PIK3CA: variants seen among roughly 807,000 people sequenced by gnomAD.
PIK3CA encodes the protein phosphatidylinositol 4,5-bisphosphate 3-kinase catalytic subunit alpha isoform.
PIK3CA carries 27 observed loss-of-function variants against 138.2 expected under a neutral mutation model. The ratio of observed to expected loss-of-function variants is 0.20; its 90% confidence interval spans 0.14 to 0.27. The LOEUF is 0.27. Among genes scored for constraint, PIK3CA ranks in the 10% least tolerant of loss-of-function variants. The pLI is 1.00. For missense variants in PIK3CA, 544 were observed against 1,277.4 expected (o/e 0.43, Z 8.75); for synonymous variants, 358 against 413.2 (o/e 0.87, Z 1.62).
At position 179,199,185 on chromosome 3, in the gene PIK3CA, A is replaced by G; in HGVS notation, c.352+8A>G. ...TCCTCAATCGAGAAATTGGTATGAT[A>G]CAATATCCTATTCTAAAATGCAAAT... On this transcript the variant is annotated splice_region_variant and intron_variant, in intron 2 of 20. Transcript: ENST00000263967. The G allele has an allele frequency of 6.7e-7, 1 of 1,500,542 alleles. No homozygotes were observed. The highest frequency in any genetic ancestry group is 2.3e-5 in the East Asian group (1 of 44,314). 93.0% of individuals were successfully genotyped at this position (1,500,542 alleles called of 1,614,324 possible). A position where few individuals can be genotyped will look rare whatever the true frequency, so the allele number is the denominator to read the frequency against.
At position 179,210,793 on chromosome 3, in the gene PIK3CA, C is replaced by T. The variant is rs3729685; in HGVS notation, c.1539+228C>T. Reference sequence around the variant, plus strand: ...TCATTTAACAAATATTTATTGAATGCCGACTATGTGTAAAGCACTGGGAAA... The same window carrying T: ...TCATTTAACAAATATTTATTGAATGTCGACTATGTGTAAAGCACTGGGAAA... On this transcript the variant is annotated intron_variant, in intron 9 of 20. Transcript: ENST00000263967. Among the ~76,000 whole-genome samples, 239 of 152,294 alleles carry T rather than the reference C, an allele frequency of 1.6e-3. 5 individuals carry two copies. In the East Asian group the frequency reaches 0.037, roughly 23 times the overall value.
Position 179,219,851 on chromosome 3 carries a change from A to C in PIK3CA, c.1912-98A>C. 6.7e-7 allele frequency: 1 copy of C among 1,498,920 alleles called. No homozygotes were observed. Among genetic ancestry groups the C allele is most frequent in the Non-Finnish European group, 9.1e-7 (1 of 1,104,778 alleles). 92.9% of individuals were successfully genotyped at this position (1,498,920 alleles called of 1,614,324 possible). ...TAACTAGTTTTATGCTTAAAAAAAA[A>C]AATTATTACCAGTAATATCCACTTT... On this transcript the variant is annotated intron_variant, in intron 12 of 20. Transcript: ENST00000263967. The surrounding 1 kb of genome is among the most constrained non-coding windows in gnomAD (Gnocchi z 4.2).
At chr3:179,212,746 A>T (rs554153450) in intron 9 of PIK3CA, among the ~76,000 whole-genome samples, 2 of 152,200 alleles carry the variant, frequency 1.3e-5, no homozygotes, top group African/African-American at 4.8e-5. Context: ...CGGCCAAAAG[A>T]CAAAATAAAT....
chr3:179,166,774 T>A (rs541732238), intron 1 of PIK3CA, among the ~76,000 whole-genome samples: 1 of 152,298 alleles, frequency 6.6e-6, no homozygotes, highest in South Asian at 2.1e-4. Context: ...AGTTTAGATG[T>A]GTTTAGCCTT....
intron 1 of PIK3CA, among the ~76,000 whole-genome samples, chr3:179,174,681 T>A (rs1242061865): frequency 6.6e-6 from 1 of 152,244 alleles, no homozygotes; most frequent in East Asian, 1.9e-4. Flanking sequence ...TCTCTTATAA[T>A]TTTAATGCTC....
At chr3:179,225,095 T>C (rs1725052884) in intron 16 of PIK3CA, among the ~76,000 whole-genome samples, 1 of 152,022 alleles carries the variant, frequency 6.6e-6, no homozygotes, top group Non-Finnish European at 1.5e-5. Context: ...CCCGTGGACC[T>C]GTGTAGAGAA....
chr3:179,225,984 A>G lies in PIK3CA; in HGVS notation c.2439A>G (p.Thr813=), dbSNP rs201600506. Residue 813 remains threonine (T), a synonymous_variant, in exon 17 of 21, where the codon ACA becomes ACG. Transcript: ENST00000263967. ...NGDDLRQDML[T]LQIIRIMENI... ...CAGATTTACGGCAAGATATGCTAAC[A>G]CTTCAAATTATTCGTATTATGGAAA... The G allele has an allele frequency of 1.5e-5, 24 of 1,594,212 alleles. No individual in the cohort carries two copies. The African/African-American group carries it at 3.1e-4, about 21-fold the overall frequency.
At chr3:179,185,029 A>T (rs1406488263) in intron 1 of PIK3CA, among the ~76,000 whole-genome samples, 1 of 152,178 alleles carries the variant, frequency 6.6e-6, no homozygotes, top group Non-Finnish European at 1.5e-5. Context: ...TTGATTTTTG[A>T]TGAAGAAAGA....
Position 179,198,908 on chromosome 3 carries a change from A to G in PIK3CA, c.83A>G (p.Asn28Ser), listed in dbSNP as rs1724334653. 1 of 1,609,072 alleles carries G rather than the reference A, an allele frequency of 6.2e-7. No individual in the cohort carries two copies. The highest frequency in any genetic ancestry group is 8.5e-7 in the Non-Finnish European group (1 of 1,177,442). Residue 28 changes from asparagine to serine, a missense_variant, in exon 2 of 21, where the codon AAT becomes AGT. By Grantham distance (46) the Asn-to-Ser change is conservative. Coordinates refer to ENST00000263967, the MANE Select transcript of PIK3CA (RefSeq NM_006218.4). The stretch of plus-strand genomic sequence containing the variant: ...ATCCTAGTAGAATGTTTACTACCAA[A>G]TGGAATGATAGTGACTTTAGAATGC... Reference protein sequence around the residue: ...PRILVECLLPNGMIVTLECLR... With the variant: ...PRILVECLLPSGMIVTLECLR...
At chr3:179,213,393 TA>T (rs1724765277) in intron 9 of PIK3CA, among the ~76,000 whole-genome samples, 1 of 152,250 alleles carries the variant, frequency 6.6e-6, no homozygotes, top group African/African-American at 2.4e-5. Flanking sequence ...GTACATACTT[TA>T]AAAATATTGC....
chr3:179,177,777 G>A (rs1360779477), intron 1 of PIK3CA, among the ~76,000 whole-genome samples: 1 of 152,080 alleles, frequency 6.6e-6, no homozygotes, highest in Non-Finnish European at 1.5e-5. Context: ...TTGTTGGACA[G>A]GACACAGCAC....
chr3:179,232,705 C>T (rs1725240111), intron 20 of PIK3CA, among the ~76,000 whole-genome samples: 1 of 151,900 alleles, frequency 6.6e-6, no homozygotes, highest in Non-Finnish European at 1.5e-5. Flanking sequence ...TGGTTAAGTA[C>T]ATTCCTAGGT....
chr3:179,182,611 TA>T (rs1282823771), intron 1 of PIK3CA, among the ~76,000 whole-genome samples: 1 of 152,012 alleles, frequency 6.6e-6, no homozygotes, highest in Non-Finnish European at 1.5e-5. Flanking sequence ...GTTGGGGCTG[TA>T]GTGAGCCGTG....
At chr3:179,188,104 C>G (rs544396444) in intron 1 of PIK3CA, among the ~76,000 whole-genome samples, 5 of 152,284 alleles carry the variant, frequency 3.3e-5, no homozygotes, top group Admixed American at 2.6e-4. Flanking sequence ...TCAACTAAAA[C>G]GAAACTACTG....
rs1024285284 is a variant in PIK3CA at position 179,230,677 on chromosome 3, C to T, written c.2936+301C>T. On this transcript the variant is annotated intron_variant, in intron 20 of 20. Transcript: ENST00000263967. This position sits in a 1 kb window ranked among gnomAD's most constrained non-coding sequence, Gnocchi z 5.4. ...GCTGAGATGGGAGGATCACTTGAGC[C>T]CAGGAGGTTGAGGTTGCAGTGAGCC... Among the ~76,000 whole-genome samples the T allele has an allele frequency of 6.6e-6, 1 of 152,016 alleles. No homozygotes were observed. Among genetic ancestry groups the T allele is most frequent in the Non-Finnish European group, 1.5e-5 (1 of 68,008 alleles).
intron 1 of PIK3CA, among the ~76,000 whole-genome samples, chr3:179,198,337 A>G (rs955998244): frequency 5.9e-5 from 9 of 152,208 alleles, no homozygotes; most frequent in African/African-American, 2.2e-4. Context: ...TGGACCCATG[A>G]TCTGAAAGAT....
intron 1 of PIK3CA, among the ~76,000 whole-genome samples, chr3:179,173,529 A>C (rs73051974): frequency 0.24 from 36,804 of 150,616 alleles, 5,537 homozygotes; most frequent in African/African-American, 0.42. Context: ...CAGTGAGCCT[A>C]TATCGTGCCA....
At chr3:179,202,303 C>T (rs1342984666) in intron 4 of PIK3CA, among the ~76,000 whole-genome samples, 1 of 152,168 alleles carries the variant, frequency 6.6e-6, no homozygotes, top group Non-Finnish European at 1.5e-5. Flanking sequence ...ATTCTGGGCA[C>T]AAACAATCCT....
intron 20 of PIK3CA, among the ~76,000 whole-genome samples, chr3:179,232,670 T>C (rs1725239542): frequency 6.6e-6 from 1 of 152,082 alleles, no homozygotes; most frequent in South Asian, 2.1e-4. Context: ...TTTGTAGTTT[T>C]CCTTGAAAAG....
Sources: allele counts gnomAD v4.1 joint callset (sites outside exome capture counted in the v4.1 genomes callset), GRCh38; gene constraint gnomAD v4.1.1; non-coding constraint Gnocchi (gnomAD v3.1); transcripts MANE v1.5; gene names NCBI Gene and HGNC (gene_info 2026-07-23, HGNC 2026-07-21).